Variants in ATRNL1 observed in about 807,000 individuals in gnomAD.
ATRNL1 encodes the protein attractin like 1.
A neutral mutation model predicts 182.7 loss-of-function variants in ATRNL1; 95 were observed. The observed-to-expected ratio is 0.52, with a 90% CI of 0.44 to 0.62. ATRNL1 has a LOEUF of 0.62. Among genes scored for constraint, ATRNL1 ranks in the 20% least tolerant of loss-of-function variants. ATRNL1 has a pLI of 0.00. For missense variants in ATRNL1, 1,471 were observed against 1,679.5 expected (o/e 0.88, Z 2.17); for synonymous variants, 576 against 568.3 (o/e 1.01, Z -0.19).
At chr10:115,230,839 G>T (rs1274740668) in intron 9 of ATRNL1, among the ~76,000 whole-genome samples, 1 of 132,832 alleles carries the variant, frequency 7.5e-6, no homozygotes, top group African/African-American at 2.8e-5. Context: ...AACAAGAATT[G>T]AAAAAACTAG....
chr10:115,191,713 C>T (rs1200233775), intron 8 of ATRNL1, among the ~76,000 whole-genome samples: 3 of 151,922 alleles, frequency 2.0e-5, no homozygotes, highest in African/African-American at 4.8e-5. Flanking sequence ...GTTCATTATC[C>T]TCCCTGCCAC....
intron 25 of ATRNL1, among the ~76,000 whole-genome samples, chr10:115,523,109 A>G (rs891393217): frequency 2.1e-4 from 32 of 152,248 alleles, no homozygotes; most frequent in Non-Finnish European, 4.4e-4. Flanking sequence ...CATCCCCTGA[A>G]ATCTCAGTGG....
chr10:115,652,559 A>G (rs1422486158), intron 26 of ATRNL1, among the ~76,000 whole-genome samples: 2 of 152,136 alleles, frequency 1.3e-5, no homozygotes, highest in East Asian at 3.8e-4. Flanking sequence ...TACGATAACT[A>G]GAAGAAATGG....
At chr10:115,447,802 G>T (rs567606255) in intron 21 of ATRNL1, among the ~76,000 whole-genome samples, 1 of 151,870 alleles carries the variant, frequency 6.6e-6, no homozygotes, top group African/African-American at 2.4e-5. Context: ...TGGAATTGTA[G>T]ATTTATTAGA....
chr10:115,738,459 A>G (rs1300244629), intron 27 of ATRNL1, among the ~76,000 whole-genome samples: 1 of 151,978 alleles, frequency 6.6e-6, no homozygotes, highest in Admixed American at 6.6e-5. Context: ...TATTTTAAGA[A>G]AATTATTTAC....
chr10:115,409,561 C>G (rs1017844666), intron 20 of ATRNL1, among the ~76,000 whole-genome samples: 22 of 152,058 alleles, frequency 1.4e-4, no homozygotes, highest in African/African-American at 5.3e-4. Context: ...CCTTTTATGT[C>G]TTTTTCTTGC....
At chr10:115,630,057 T>G (rs1216308301) in intron 26 of ATRNL1, among the ~76,000 whole-genome samples, 1 of 152,154 alleles carries the variant, frequency 6.6e-6, no homozygotes, top group African/African-American at 2.4e-5. Flanking sequence ...TATTTTTGCT[T>G]GCATTGCCTG....
intron 26 of ATRNL1, among the ~76,000 whole-genome samples, chr10:115,708,249 G>T (rs1170324152): frequency 1.3e-5 from 2 of 151,454 alleles, no homozygotes; most frequent in East Asian, 3.9e-4. Context: ...GATCAGTGTT[G>T]TCAATACTGT....
chr10:115,734,198 C>G (rs1232772861), intron 27 of ATRNL1, among the ~76,000 whole-genome samples: 1 of 151,610 alleles, frequency 6.6e-6, no homozygotes, highest in Non-Finnish European at 1.5e-5. Context: ...TGAAAAAAAA[C>G]CTACTGAATC....
intron 20 of ATRNL1, among the ~76,000 whole-genome samples, chr10:115,413,240 T>C (rs782579079): frequency 2.6e-5 from 4 of 152,166 alleles, no homozygotes; most frequent in Non-Finnish European, 4.4e-5. Flanking sequence ...GCTATTAGAA[T>C]CAATTTGCTA....
intron 25 of ATRNL1, among the ~76,000 whole-genome samples, chr10:115,522,265 G>A (rs1850977096): frequency 1.3e-5 from 2 of 152,176 alleles, no homozygotes; most frequent in African/African-American, 4.8e-5. Flanking sequence ...AAGAAGTAGG[G>A]TGCCAGCATG....
chr10:115,509,020 G>A (rs1850257005), intron 24 of ATRNL1, among the ~76,000 whole-genome samples: 2 of 151,976 alleles, frequency 1.3e-5, no homozygotes, highest in South Asian at 4.2e-4. Flanking sequence ...GTGATTATGA[G>A]CCTTGGTAAT....
At chr10:115,674,093 T>A (rs1170440335) in intron 26 of ATRNL1, among the ~76,000 whole-genome samples, 1 of 152,054 alleles carries the variant, frequency 6.6e-6, no homozygotes, top group African/African-American at 2.4e-5. Flanking sequence ...AGCAAAGAGA[T>A]CTTTGATGAC....
rs147852353 is a variant in ATRNL1 at position 115,602,291 on chromosome 10, T to A, written c.3795+52755T>A. 4.1e-3 allele frequency among the ~76,000 whole-genome samples: 631 copies of A among 152,170 alleles called. 3 individuals are homozygous for A. Among genetic ancestry groups the A allele is most frequent in the African/African-American group, 0.015 (609 of 41,516 alleles). On this transcript the variant is annotated intron_variant, in intron 26 of 28. Coordinates refer to ENST00000355044, the MANE Select transcript of ATRNL1 (RefSeq NM_207303.4). Reference sequence around the variant, plus strand: ...ATCTCTTGAACCCTGGGGTCAGAGGTTGCAGTGAGCCGAGATCATGCCACT... The same window carrying A: ...ATCTCTTGAACCCTGGGGTCAGAGGATGCAGTGAGCCGAGATCATGCCACT...
chr10:115,401,143 T>C (rs946647411), intron 20 of ATRNL1, among the ~76,000 whole-genome samples: 2 of 152,050 alleles, frequency 1.3e-5, no homozygotes, highest in Admixed American at 6.6e-5. Flanking sequence ...ATTCTAATAA[T>C]TGGGGAGTGC....
chr10:115,330,226 A>T (rs1229862998), intron 18 of ATRNL1, among the ~76,000 whole-genome samples: 2 of 152,052 alleles, frequency 1.3e-5, no homozygotes, highest in Non-Finnish European at 2.9e-5. Context: ...TATATTGTTT[A>T]TCCCTTAACC....
chr10:115,896,290 C>A lies in ATRNL1; in HGVS notation c.4018+48299C>A, dbSNP rs1485256455. ...TTGGAAAGCTGAAATTGACCAATAACCACAAAATGATTTAAAGATATCACT... is the reference window on the plus strand; with the variant it reads ...TTGGAAAGCTGAAATTGACCAATAAACACAAAATGATTTAAAGATATCACT... On this transcript the variant is annotated intron_variant, in intron 28 of 28. Coordinates refer to ENST00000355044, the MANE Select transcript of ATRNL1 (RefSeq NM_207303.4). 2.0e-5 allele frequency among the ~76,000 whole-genome samples: 3 copies of A among 152,090 alleles called. No individual in the cohort carries two copies. The East Asian group carries it at 5.8e-4, about 29-fold the overall frequency.
chr10:115,249,542 G>C (rs147569519), intron 10 of ATRNL1, among the ~76,000 whole-genome samples: 1,758 of 152,070 alleles, frequency 0.012, 12 homozygotes, highest in Middle Eastern at 0.017. Context: ...GTATAGTACC[G>C]TTTGCTCAAA....
intron 27 of ATRNL1, among the ~76,000 whole-genome samples, chr10:115,754,137 A>C (rs1446683533): frequency 6.6e-6 from 1 of 152,164 alleles, no homozygotes; most frequent in Admixed American, 6.5e-5. Flanking sequence ...GCTCACTCTG[A>C]TGATAGTTTC....
Sources: allele counts gnomAD v4.1 joint callset (sites outside exome capture counted in the v4.1 genomes callset), GRCh38; gene constraint gnomAD v4.1.1; transcripts MANE v1.5; gene names NCBI Gene and HGNC (gene_info 2026-07-23, HGNC 2026-07-21).